The following DYNC2LI1 variants were observed in gnomAD, a reference collection of about 807,000 sequenced individuals.
The protein encoded by DYNC2LI1 is dynein cytoplasmic 2 light intermediate chain 1, also known as cytoplasmic dynein 2 light intermediate chain 1.
DYNC2LI1 carries 45 observed loss-of-function variants against 51.9 expected under a neutral mutation model. That is an observed-to-expected ratio of 0.87 (90% confidence interval 0.68 to 1.11). DYNC2LI1 has a LOEUF of 1.11. DYNC2LI1 is among the 50% of genes most tolerant of loss of function. The pLI, the probability that DYNC2LI1 is intolerant of heterozygous loss-of-function variation, is 0.00. For missense variants in DYNC2LI1, 490 were observed against 417.4 expected, an observed-to-expected ratio of 1.17 and a Z score of -1.51; for synonymous variants, 130 against 137.8, an observed-to-expected ratio of 0.94 and a Z score of 0.40.
At chr2:43,780,379 A>C (rs551088154) in intron 2 of DYNC2LI1, among the ~76,000 whole-genome samples, 6 of 152,188 alleles carry the variant, frequency 3.9e-5, no homozygotes, top group Non-Finnish European at 8.8e-5. Context: ...GATTCATGAC[A>C]GTAGCTGAAA....
the DYNC2LI1 span, among the ~76,000 whole-genome samples, chr2:43,817,889 G>A: frequency 6.6e-6 from 1 of 152,104 alleles, no homozygotes; most frequent in Non-Finnish European, 1.5e-5. Flanking sequence ...CAGCCTGGGT[G>A]ACAGAGCGCG....
At chr2:43,826,437 C>A in the DYNC2LI1 span, 1 of 1,614,062 alleles carries the variant, frequency 6.2e-7, no homozygotes, top group Non-Finnish European at 8.5e-7. Context: ...TCGGTTCCTG[C>A]GAGCCAGTTC....
the DYNC2LI1 span, among the ~76,000 whole-genome samples, chr2:43,816,298 T>C: frequency 6.6e-6 from 1 of 151,818 alleles, no homozygotes; most frequent in Non-Finnish European, 1.5e-5. Context: ...CTTCAAGGGG[T>C]GGATAATCTA....
At chr2:43,823,402 G>A in the DYNC2LI1 span, among the ~76,000 whole-genome samples, 1 of 151,430 alleles carries the variant, frequency 6.6e-6, no homozygotes, top group African/African-American at 2.4e-5. Flanking sequence ...CTTCACAATA[G>A]CGAAGTCCTT....
chr2:43,818,104 T>C, the DYNC2LI1 span, among the ~76,000 whole-genome samples: 1 of 152,152 alleles, frequency 6.6e-6, no homozygotes, highest in Non-Finnish European at 1.5e-5. Context: ...TTAATGTAAT[T>C]TATTGAATCC....
At chr2:43,824,273 G>A in the DYNC2LI1 span, 1 of 1,614,180 alleles carries the variant, frequency 6.2e-7, no homozygotes, top group East Asian at 2.2e-5. Context: ...GGTTTTGAAA[G>A]GAACCATTGG....
chr2:43,794,436 A>G, intron 5 of DYNC2LI1, 21 bp from the exon 6 acceptor site: 1 of 1,578,800 alleles, frequency 6.3e-7, no homozygotes, highest in African/African-American at 1.4e-5. Context: ...TCTTTTTTGA[A>G]AAGTGTTTTT....
At chr2:43,817,582 A>G in the DYNC2LI1 span, among the ~76,000 whole-genome samples, 2 of 152,048 alleles carry the variant, frequency 1.3e-5, no homozygotes, top group Admixed American at 6.6e-5. Context: ...ACTTCCAGAT[A>G]AACCCATCAT....
chr2:43,819,861 G>A, the DYNC2LI1 span: 1 of 1,567,640 alleles, frequency 6.4e-7, no homozygotes, highest in Non-Finnish European at 8.8e-7. Context: ...ATTATTAGGT[G>A]ATCATTAATA....
intron 11 of DYNC2LI1, among the ~76,000 whole-genome samples, 160 bp downstream of exon 11, chr2:43,804,899 A>T (rs1024628832): frequency 4.4e-5 from 4 of 90,180 alleles, no homozygotes; most frequent in African/African-American, 9.7e-5. Flanking sequence ...TGTGGGGGTT[A>T]AAAAAAAAAA....
the DYNC2LI1 span, among the ~76,000 whole-genome samples, chr2:43,816,371 G>A: frequency 1.3e-5 from 2 of 152,184 alleles, no homozygotes; most frequent in African/African-American, 2.4e-5. Context: ...AAAACAAAAG[G>A]GGCCTTCAAA....
intron 10 of DYNC2LI1, among the ~76,000 whole-genome samples, chr2:43,804,429 C>T (rs954101487): frequency 6.6e-6 from 1 of 152,142 alleles, no homozygotes; most frequent in African/African-American, 2.4e-5. Flanking sequence ...TTACAGTTTA[C>T]CCATTACTCT....
rs530423746 is a variant in DYNC2LI1, at chr2:43,807,941, C to G, written c.994-1764C>G. Among the ~76,000 whole-genome samples, 17 of 151,988 alleles carry G rather than the reference C, an allele frequency of 1.1e-4. No homozygotes were observed. In the South Asian group the frequency reaches 3.5e-3, roughly 32 times the overall value. ...GGTTTTTGTCTCATATTGGTTATTC[C>G]TTTTTCTCCCTCTGGCATGGCCTGT... On this transcript the variant is annotated intron_variant, in intron 12 of 12. Coordinates refer to ENST00000260605, the MANE Select transcript of DYNC2LI1 (RefSeq NM_016008.4).
chr2:43,794,295 T>A, intron 5 of DYNC2LI1, 162 bp from the exon 6 acceptor site: 1 of 657,348 alleles, frequency 1.5e-6, no homozygotes, highest in Non-Finnish European at 2.5e-6. Context: ...TAAATAAGGC[T>A]ATGACTTTGG....
the DYNC2LI1 span, among the ~76,000 whole-genome samples, chr2:43,822,140 A>C: frequency 6.6e-6 from 1 of 152,250 alleles, no homozygotes; most frequent in Non-Finnish European, 1.5e-5. Flanking sequence ...TGTAACACCA[A>C]GTTTCTCAAA....
the DYNC2LI1 span, chr2:43,822,503 A>G: frequency 1.2e-6 from 1 of 800,098 alleles, no homozygotes; most frequent in Non-Finnish European, 1.5e-6. Flanking sequence ...CCTGGGTCCT[A>G]GCTACTTCAG....
At chr2:43,774,181 A>C in intron 1 of DYNC2LI1, 35 bp downstream of exon 1, 1 of 1,612,810 alleles carries the variant, frequency 6.2e-7, no homozygotes, top group Non-Finnish European at 8.5e-7. Context: ...GGGAAAGGCT[A>C]CTGAGAGTAT....
the DYNC2LI1 span, chr2:43,824,813 G>C: frequency 1.9e-6 from 3 of 1,583,644 alleles, no homozygotes; most frequent in Non-Finnish European, 1.7e-6. Flanking sequence ...CACTAGACTG[G>C]TGTCATCCAG....
rs756973021 is a variant in DYNC2LI1, at chr2:43,796,685, A to T, written c.577-33A>T. The T allele has an allele frequency of 2.0e-6, 3 of 1,482,184 alleles. No individual in the cohort carries two copies. In the South Asian group the frequency reaches 3.4e-5, roughly 17 times the overall value. 91.8% of individuals were successfully genotyped at this position (1,482,184 alleles called of 1,614,324 possible). A position where few individuals can be genotyped will look rare whatever the true frequency, so the allele number is the denominator to read the frequency against. On this transcript the variant is annotated intron_variant, in intron 7 of 12. Coordinates refer to ENST00000260605, the MANE Select transcript of DYNC2LI1 (RefSeq NM_016008.4). ...ATCTTCCTGCTATAGATATTTGGTTATCTTGACTTTTTAAAATAACATATT... is the reference window on the plus strand; with the variant it reads ...ATCTTCCTGCTATAGATATTTGGTTTTCTTGACTTTTTAAAATAACATATT...
Sources: gnomAD v4.1 joint callset for allele counts (sites outside exome capture counted in the v4.1 genomes callset) on GRCh38, gnomAD v4.1.1 for gene constraint, MANE v1.5 for transcripts, NCBI Gene and HGNC (gene_info 2026-07-23, HGNC 2026-07-21) for gene names.